The following HS6ST2 variants were observed in gnomAD, a reference collection of about 807,000 sequenced individuals.
HS6ST2 encodes heparan-sulfate 6-O-sulfotransferase 2.
A neutral mutation model predicts 33.0 loss-of-function variants in HS6ST2; 17 were observed. The observed-to-expected ratio is 0.52, with a 90% CI of 0.35 to 0.77. The LOEUF (loss-of-function observed/expected upper bound fraction) is 0.77. Among genes scored for constraint, HS6ST2 ranks in the 30% least tolerant of loss-of-function variants. HS6ST2 has a pLI of 0.01. For synonymous variants in HS6ST2, 248 were observed against 237.1 expected, an observed-to-expected ratio of 1.05 and a Z score of -0.42; for missense variants, 519 against 551.7, an observed-to-expected ratio of 0.94 and a Z score of 0.59.
At chrX:132,825,388 G>T (rs1160554105) in intron 2 of HS6ST2, among the ~76,000 whole-genome samples, 1 of 111,586 alleles carries the variant, frequency 9.0e-6, no homozygotes, top group African/African-American at 3.3e-5. Flanking sequence ...AGAATCCTTG[G>T]CCTGGAAATT....
chrX:132,855,770 C>A (rs1342842597), intron 2 of HS6ST2, among the ~76,000 whole-genome samples: 1 of 111,688 alleles, frequency 9.0e-6, no homozygotes, highest in East Asian at 2.8e-4. Context: ...TGGAATTCAA[C>A]TACAATAGTT....
chrX:132,806,336 G>C (rs1437662138), intron 2 of HS6ST2, among the ~76,000 whole-genome samples: 1 of 110,047 alleles, frequency 9.1e-6, no homozygotes, highest in Non-Finnish European at 1.9e-5. Context: ...TGTCTTACAT[G>C]GACCTGTGTA....
chrX:132,634,105 G>A (rs1310873863), intron 4 of HS6ST2, among the ~76,000 whole-genome samples: 2 of 112,231 alleles, frequency 1.8e-5, no homozygotes, highest in Non-Finnish European at 3.8e-5. Flanking sequence ...TCTTCTTGAT[G>A]GAGGAAATCT....
At chrX:132,637,852 T>TATTTTATATATA (rs2063566750) in intron 4 of HS6ST2, among the ~76,000 whole-genome samples, 1 of 39,150 alleles carries the variant, frequency 2.6e-5, no homozygotes. Flanking sequence ...TTATATATAA[T>TATTTTATATATA]ATATATATAA....
At chrX:132,931,394 C>T (rs774664787) in intron 2 of HS6ST2, among the ~76,000 whole-genome samples, 23 of 111,748 alleles carry the variant, frequency 2.1e-4, no homozygotes, top group Non-Finnish European at 3.6e-4. Context: ...ACAATGTCTC[C>T]AGTTATAGGA....
In HS6ST2 at chrX:132,628,808, C is replaced by T. The variant is rs921709990; in HGVS notation, c.1353G>A (p.Lys451=). Reference sequence around the variant, plus strand: ...TTTCCAGAAGGACCTTGTTTCTTTGCTTTTCAGGCATGACAGAGAGGTTGT... The same window carrying T: ...TTTCCAGAAGGACCTTGTTTCTTTGTTTTTCAGGCATGACAGAGAGGTTGT... ...GCYNLSVMPE[K]QRNKVLLESA... The change falls in exon 5 of 5, where the codon AAG becomes AAA. Residue 451 remains lysine, a synonymous_variant. Transcript: ENST00000370833. 1.7e-6 allele frequency: 2 copies of T among 1,211,837 alleles called. No homozygotes were observed. The highest frequency in any genetic ancestry group is 2.2e-5 in the Admixed American group (1 of 46,071).
At chrX:132,848,862 C>A (rs1018770437) in intron 2 of HS6ST2, among the ~76,000 whole-genome samples, 1 of 111,652 alleles carries the variant, frequency 9.0e-6, no homozygotes, top group Non-Finnish European at 1.9e-5. Flanking sequence ...TGCATGCTTA[C>A]AGAGTCCTTG....
intron 2 of HS6ST2, among the ~76,000 whole-genome samples, chrX:132,757,010 G>C (rs1339622422): frequency 9.0e-6 from 1 of 111,506 alleles, no homozygotes; most frequent in Non-Finnish European, 1.9e-5. Flanking sequence ...GTTCTCAAGA[G>C]TGGTCTCAGA....
intron 2 of HS6ST2, among the ~76,000 whole-genome samples, chrX:132,805,556 C>T (rs1450899105): frequency 9.2e-6 from 1 of 109,252 alleles, no homozygotes; most frequent in Non-Finnish European, 1.9e-5. Flanking sequence ...CACATACCTA[C>T]CCCTGGGAGG....
intron 2 of HS6ST2, among the ~76,000 whole-genome samples, chrX:132,759,070 G>C (rs1300183846): frequency 9.0e-6 from 1 of 111,692 alleles, no homozygotes; most frequent in Non-Finnish European, 1.9e-5. Context: ...GTTATTTGGT[G>C]CCTCCCAAGA....
At chrX:132,685,892 C>A (rs1211936871) in intron 3 of HS6ST2, among the ~76,000 whole-genome samples, 1 of 112,433 alleles carries the variant, frequency 8.9e-6, no homozygotes, top group Non-Finnish European at 1.9e-5. Flanking sequence ...GAAATCAGCA[C>A]CCTTTTCCAT....
intron 2 of HS6ST2, among the ~76,000 whole-genome samples, chrX:132,839,067 T>C (rs1471298228): frequency 2.7e-5 from 2 of 74,747 alleles, no homozygotes; most frequent in Admixed American, 2.9e-4. Context: ...GAAAACAGTA[T>C]GAAGATTCCT....
intron 3 of HS6ST2, among the ~76,000 whole-genome samples, chrX:132,670,411 T>A (rs1569479412): frequency 9.0e-6 from 1 of 111,296 alleles, no homozygotes; most frequent in Non-Finnish European, 1.9e-5. Flanking sequence ...AATGATGGGT[T>A]CCTGGTGATT....
intron 4 of HS6ST2, among the ~76,000 whole-genome samples, chrX:132,658,006 T>A (rs982727095): frequency 5.5e-5 from 6 of 109,270 alleles, no homozygotes; most frequent in African/African-American, 2.0e-4. Flanking sequence ...CCAACCATGA[T>A]GAGAAAGAAG....
At chrX:132,943,018 T>C (rs1319924522) in intron 2 of HS6ST2, among the ~76,000 whole-genome samples, 1 of 112,439 alleles carries the variant, frequency 8.9e-6, no homozygotes, top group African/African-American at 3.2e-5. Context: ...ATCATACTTA[T>C]GTGTAAATCT....
chrX:132,749,564 T>G (rs138973290), intron 2 of HS6ST2, among the ~76,000 whole-genome samples: 5 of 112,255 alleles, frequency 4.5e-5, no homozygotes, highest in African/African-American at 1.6e-4. Flanking sequence ...GTGAACCAAC[T>G]TGATATGTCT....
rs144621997 is a variant in HS6ST2, at chrX:132,680,832, A to G, written c.981-11633T>C. 4.3e-3 allele frequency among the ~76,000 whole-genome samples: 471 copies of G among 110,216 alleles called. 1 individual carries two copies. Among genetic ancestry groups the G allele is most frequent in the African/African-American group, 0.014 (428 of 30,303 alleles). On this transcript the variant is annotated intron_variant, in intron 3 of 4. Coordinates refer to ENST00000370833, the MANE Select transcript of HS6ST2 (RefSeq NM_001394073.1). ...CCAACATGGTGAAAACCCTGTCTCT[A>G]CTAAAAATATAAAAAAATTAGCTGG...
At chrX:132,708,202 G>C (rs2064201189) in intron 3 of HS6ST2, among the ~76,000 whole-genome samples, 1 of 103,078 alleles carries the variant, frequency 9.7e-6, no homozygotes, top group African/African-American at 3.6e-5. Context: ...CTGCACACCT[G>C]TCTGGGGTGG....
At chrX:132,675,805 A>G (rs2063920100) in intron 3 of HS6ST2, among the ~76,000 whole-genome samples, 1 of 110,906 alleles carries the variant, frequency 9.0e-6, no homozygotes, top group East Asian at 2.8e-4. Context: ...TACCTCCAAT[A>G]GTACTAAAAT....
Sources: gnomAD v4.1 joint callset for allele counts (sites outside exome capture counted in the v4.1 genomes callset) on GRCh38, gnomAD v4.1.1 for gene constraint, MANE v1.5 for transcripts, NCBI Gene and HGNC (gene_info 2026-07-23, HGNC 2026-07-21) for gene names.